The following TPT1 variants were observed in gnomAD, a reference collection of about 807,000 sequenced individuals.
TPT1 encodes the protein translationally-controlled tumor protein.
TPT1 carries 5 observed loss-of-function variants against 22.8 expected under a neutral mutation model. That is an observed-to-expected ratio of 0.22 (90% CI 0.11 to 0.46). The LOEUF is 0.46. Ranked by LOEUF, TPT1 falls within the 20% of genes least tolerant of loss-of-function variation. The pLI, the probability that TPT1 is intolerant of heterozygous loss-of-function variation, is 0.99. For missense variants in TPT1, 130 were observed against 218.7 expected (o/e 0.59, Z 2.56); for synonymous variants, 89 against 73.6 (o/e 1.21, Z -1.07).
chr13:45,338,873 C>T (rs1389594913), intron 4 of TPT1, 97 bp from the exon 5 acceptor site: 1 of 1,028,138 alleles, frequency 9.7e-7, no homozygotes, highest in African/African-American at 1.6e-5. Context: ...TAGACCACCA[C>T]AAAAATCAAA....
rs1878666298 is a variant in TPT1 at position 45,336,086 on chromosome 13, C to G, written c.*1300G>C. 6.6e-6 allele frequency: 1 copy of G among 152,204 alleles called. No homozygotes were observed. Among genetic ancestry groups the G allele is most frequent in the Non-Finnish European group, 1.5e-5 (1 of 68,054 alleles). 9.4% of individuals were successfully genotyped at this position (152,204 alleles called of 1,614,324 possible). A position where few individuals can be genotyped will look rare whatever the true frequency, so the allele number is the denominator to read the frequency against. On this transcript the variant is annotated 3_prime_UTR_variant, in exon 6 of 6. Coordinates refer to ENST00000530705, the MANE Select transcript of TPT1 (RefSeq NM_003295.4). ...CTTTGGGAGGCTGAGGTGGGCAGAT[C>G]TCCTTGAGCCCAGGAGTTGAGACCA...
Position 45,337,267 on chromosome 13 carries a change from T to C in TPT1, c.*119A>G. 3 of 980,798 alleles carry C rather than the reference T, an allele frequency of 3.1e-6. No homozygotes were observed. The allele number at this position is 980,798 out of a possible 1,614,324, so 60.8% of individuals were successfully genotyped here. On this transcript the variant is annotated 3_prime_UTR_variant, in exon 6 of 6. Transcript: ENST00000530705. Reference sequence around the variant, plus strand: ...CACTCCAAATAAATCACAGTCAAAATAAATGAAGAGCTCAAGATGACATCA... The same window carrying C: ...CACTCCAAATAAATCACAGTCAAAACAAATGAAGAGCTCAAGATGACATCA...
In TPT1 at chr13:45,340,794, TAC is replaced by T; in HGVS notation, c.29-11_29-10del. 1 of 1,512,826 alleles carries T rather than the reference TAC, an allele frequency of 6.6e-7. No individual in the cohort carries two copies. Among genetic ancestry groups the T allele is most frequent in the Non-Finnish European group, 8.8e-7 (1 of 1,131,516 alleles). The allele number at this position is 1,512,826 out of a possible 1,614,324, so 93.7% of individuals were successfully genotyped here. A position where few individuals can be genotyped will look rare whatever the true frequency, so the allele number is the denominator to read the frequency against. ...GGAGAACATCTCATCGTCTGCCGGATACACAGAGCCGCCCATCACCGTGCGCC... is the reference window on the plus strand; with the variant it reads ...GGAGAACATCTCATCGTCTGCCGGATACAGAGCCGCCCATCACCGTGCGCC... On this transcript the variant is annotated splice_polypyrimidine_tract_variant and intron_variant, in intron 1 of 5. Transcript: ENST00000530705.
chr13:45,337,685 A>G (rs1878797754), intron 5 of TPT1: 3 of 875,116 alleles, frequency 3.4e-6, no homozygotes, highest in Non-Finnish European at 3.7e-6. Flanking sequence ...TGCTCTACCA[A>G]CAAAAACCTC....
intron 4 of TPT1, chr13:45,339,240 T>A: frequency 2.4e-6 from 1 of 413,140 alleles, no homozygotes; most frequent in Non-Finnish European, 4.3e-6. Flanking sequence ...CCAGTAGCAA[T>A]GAGACACATT....
intron 4 of TPT1, chr13:45,339,230 C>G: frequency 5.2e-6 from 2 of 387,318 alleles, no homozygotes; most frequent in Non-Finnish European, 9.2e-6. Flanking sequence ...AGAAGGAGGA[C>G]CAGTAGCAAT....
chr13:45,336,316 C>T lies in TPT1; in HGVS notation c.*1070G>A, dbSNP rs756201146. 1.3e-5 allele frequency: 2 copies of T among 152,190 alleles called. No individual in the cohort carries two copies. The highest frequency in any genetic ancestry group is 2.9e-5 in the Non-Finnish European group (2 of 68,058). The allele number at this position is 152,190 out of a possible 1,614,324, so 9.4% of individuals were successfully genotyped here. A position where few individuals can be genotyped will look rare whatever the true frequency, so the allele number is the denominator to read the frequency against. On this transcript the variant is annotated 3_prime_UTR_variant, in exon 6 of 6. Transcript: ENST00000530705. The stretch of plus-strand genomic sequence containing the variant: ...AAAACTCTTCCCGCTTTTTTTCCTC[C>T]TGTATTCCTCTATTCAATCTCAGCT...
chr13:45,341,064 A>C lies in TPT1; in HGVS notation c.6T>G (p.Ile2Met). 8 of 1,613,414 alleles carry C rather than the reference A, an allele frequency of 5.0e-6. No homozygotes were observed. The highest frequency in any genetic ancestry group is 6.8e-6 in the Non-Finnish European group (8 of 1,179,620). Residue 2 changes from isoleucine to methionine, a missense_variant, in exon 1 of 6, where the codon ATT (isoleucine) becomes ATG (methionine). Ile to Met is a conservative substitution (Grantham distance 10, BLOSUM62 1). Transcript: ENST00000530705. The part of the protein sequence containing the change: M[I>M]IYRDLISHDE... Reference sequence around the variant, plus strand: ...CACGGCTGATGAGGTCCCGGTAGATAATCATGATGGCGACTGAAGGGAGAC... The same window carrying C: ...CACGGCTGATGAGGTCCCGGTAGATCATCATGATGGCGACTGAAGGGAGAC...
At chr13:45,338,530 C>T in intron 5 of TPT1, 130 bp downstream of exon 5, 1 of 1,443,010 alleles carries the variant, frequency 6.9e-7, no homozygotes, top group Non-Finnish European at 9.1e-7. Context: ...TCTCTTGATC[C>T]CCAAAGAGAA....
chr13:45,335,557 C>G lies in TPT1; in HGVS notation c.*1829G>C, dbSNP rs539517416. The G allele has an allele frequency of 6.6e-6, 1 of 152,328 alleles. No homozygotes were observed. Among genetic ancestry groups the G allele is most frequent in the East Asian group, 1.9e-4 (1 of 5,184 alleles). The allele number at this position is 152,328 out of a possible 1,614,324, so 9.4% of individuals were successfully genotyped here. On this transcript the variant is annotated 3_prime_UTR_variant, in exon 6 of 6. Coordinates refer to ENST00000530705, the MANE Select transcript of TPT1 (RefSeq NM_003295.4). The stretch of plus-strand genomic sequence containing the variant: ...TGACCACTGCCTGAAAATTCCCTTC[C>G]TGCTATCATTTCAGAGGACAAAAGG...
rs11552492 is a variant in TPT1, at chr13:45,340,096, C to T, written c.191G>A (p.Ser64Asn). ...AATATCGACACCAGTGATTACTGTG[C>T]TTTCGGTACCTTCGCCCTCGGGGCC... ...AEGPEGEGTE[S>N]TVITGVDIVM... Residue 64 changes from serine to asparagine, a missense_variant, in exon 3 of 6, where the codon AGC becomes AAC. Ser to Asn is a conservative substitution (Grantham distance 46). Coordinates refer to ENST00000530705, the MANE Select transcript of TPT1 (RefSeq NM_003295.4). 5.0e-6 allele frequency: 8 copies of T among 1,614,094 alleles called. No homozygotes were observed. The East Asian group carries it at 1.3e-4, about 27-fold the overall frequency.
chr13:45,337,746 T>C, intron 5 of TPT1: 2 of 606,802 alleles, frequency 3.3e-6, no homozygotes, highest in Non-Finnish European at 2.9e-6. Context: ...CTGTTCTAAG[T>C]AATTTCTGTC....
At position 45,334,032 on chromosome 13, in the gene TPT1, C is replaced by T. The variant is rs4545704; in HGVS notation, c.*3354G>A. 0.31 allele frequency: 47,056 copies of T among 152,060 alleles called. 8,870 individuals carry two copies. Among genetic ancestry groups the T allele is most frequent in the Non-Finnish European group, 0.43 (28,949 of 67,982 alleles). 9.4% of individuals were successfully genotyped at this position (152,060 alleles called of 1,614,324 possible). On this transcript the variant is annotated 3_prime_UTR_variant, in exon 6 of 6. Coordinates refer to ENST00000530705, the MANE Select transcript of TPT1 (RefSeq NM_003295.4). ...ACAGCTCACTGCACCCTCAATCTCT[C>T]GGACTCAAGCCATCCTCTCAGCTCA...
intron 2 of TPT1, chr13:45,340,486 A>G: frequency 1.3e-6 from 1 of 746,922 alleles, no homozygotes. Context: ...CCTAAGCCGG[A>G]AGCATCATGT....
intron 5 of TPT1, 39 bp from the exon 6 acceptor site, chr13:45,337,427 T>C (rs766352872): frequency 6.2e-7 from 1 of 1,614,154 alleles, no homozygotes; most frequent in Admixed American, 1.7e-5. Flanking sequence ...TTTCAAACAT[T>C]ACACTGCAAA....
At chr13:45,340,865 C>T (rs960841492) in intron 1 of TPT1, 80 bp from the exon 2 acceptor site, 69 of 1,457,498 alleles carry the variant, frequency 4.7e-5, no homozygotes, top group Middle Eastern at 1.9e-4. Context: ...CGGCCGCACG[C>T]GGGATCTGCC....
At chr13:45,337,421 A>G in intron 5 of TPT1, 33 bp from the exon 6 acceptor site, 1 of 1,614,160 alleles carries the variant, frequency 6.2e-7, no homozygotes, top group Non-Finnish European at 8.5e-7. Flanking sequence ...AATATTTTTC[A>G]AACATTACAC....
At position 45,340,747 on chromosome 13, in the gene TPT1, T is replaced by C; in HGVS notation, c.67A>G (p.Ile23Val). The change falls in exon 2 of 6, where the codon ATC becomes GTC. Residue 23 changes from isoleucine to valine, a missense_variant. Ile to Val is a conservative substitution (Grantham distance 29). Transcript: ENST00000530705. ...MFSDIYKIRE[I>V]ADGLCLEVEG... is the part of the protein sequence containing the mutation. ...ACCTCCAGGCACAACCCGTCCGCGA[T>C]CTCCCGGATCTTGTAGATGTCGGAG... 1 of 1,520,912 alleles carries C rather than the reference T, an allele frequency of 6.6e-7. No homozygotes were observed. The highest frequency in any genetic ancestry group is 8.8e-7 in the Non-Finnish European group (1 of 1,135,448). The allele number at this position is 1,520,912 out of a possible 1,614,324, so 94.2% of individuals were successfully genotyped here.
chr13:45,339,054 C>T (rs1566176611), intron 4 of TPT1: 2 of 342,620 alleles, frequency 5.8e-6, no homozygotes, highest in Non-Finnish European at 1.0e-5. Context: ...AACCCTAAAG[C>T]GTGCTTATAT....
Sources: allele counts gnomAD v4.1 joint callset, GRCh38; gene constraint gnomAD v4.1.1; transcripts MANE v1.5; gene names NCBI Gene and HGNC (gene_info 2026-07-23, HGNC 2026-07-21).